Variants in C9 observed in about 807,000 individuals in gnomAD.
The protein encoded by C9 is complement component C9.
Under a neutral mutation model 65.4 loss-of-function variants are expected in C9, and 63 were observed. That is an observed-to-expected ratio of 0.96 (90% CI 0.79 to 1.19). C9 has a LOEUF of 1.19. Among genes scored for constraint, C9 ranks in the 50% most tolerant of loss-of-function variants. The pLI is 0.00. For synonymous variants in C9, 229 were observed against 227.9 expected (o/e 1.00, Z -0.04); for missense variants, 744 against 670.1 (o/e 1.11, Z -1.22).
chr5:39,344,485 A>G (rs1171481942), intron 1 of C9, among the ~76,000 whole-genome samples: 1 of 152,262 alleles, frequency 6.6e-6, no homozygotes, highest in East Asian at 1.9e-4. Flanking sequence ...AAGGATAAAA[A>G]GAAATGAACA....
intron 1 of C9, among the ~76,000 whole-genome samples, chr5:39,344,799 A>G (rs922529194): frequency 1.3e-5 from 2 of 152,192 alleles, no homozygotes; most frequent in Admixed American, 6.5e-5. Context: ...ATAAAGGGAA[A>G]CCCATCAGAC....
At chr5:39,301,217 C>G (rs1753274595) in intron 9 of C9, among the ~76,000 whole-genome samples, 1 of 152,038 alleles carries the variant, frequency 6.6e-6, no homozygotes. Flanking sequence ...ATATGCATAA[C>G]CTTAACCTAC....
chr5:39,325,828 T>C (rs1301024112), intron 5 of C9, among the ~76,000 whole-genome samples: 1 of 151,050 alleles, frequency 6.6e-6, no homozygotes, highest in East Asian at 1.9e-4. Context: ...AACACCTAGA[T>C]CTCTTTTTAC....
At chr5:39,304,911 C>T (rs1009648922) in intron 9 of C9, among the ~76,000 whole-genome samples, 1 of 152,140 alleles carries the variant, frequency 6.6e-6, no homozygotes, top group African/African-American at 2.4e-5. Flanking sequence ...TCTTCAGCAG[C>T]TGCCTTATTT....
intron 9 of C9, among the ~76,000 whole-genome samples, chr5:39,297,254 A>C (rs1425109488): frequency 6.6e-6 from 1 of 151,668 alleles, no homozygotes; most frequent in East Asian, 1.9e-4. Flanking sequence ...TCAAAATATC[A>C]CTATGTACCC....
chr5:39,321,513 A>T (rs1753667136), intron 5 of C9, among the ~76,000 whole-genome samples: 1 of 143,522 alleles, frequency 7.0e-6, no homozygotes, highest in African/African-American at 3.0e-5. Context: ...AGAAATAGCC[A>T]GAAAGAACAT....
rs1319628126 is a variant in C9 at position 39,311,155 on chromosome 5, C to A, written c.1093G>T (p.Ala365Ser). Residue 365 changes from alanine (A) to serine (S), a missense_variant, in exon 7 of 11, where the codon GCT becomes TCT. Coordinates refer to ENST00000263408, the MANE Select transcript of C9 (RefSeq NM_001737.5). Reference protein sequence around the residue: ...LYELIYVLDKASMKRKGVELK... With the variant: ...LYELIYVLDKSSMKRKGVELK... ...GGCATACCTTTCCGCTTCATGGAAGCTTTATCCAAAACATATATTAGTTCA... is the reference window on the plus strand; with the variant it reads ...GGCATACCTTTCCGCTTCATGGAAGATTTATCCAAAACATATATTAGTTCA... 6.2e-7 allele frequency: 1 copy of A among 1,613,410 alleles called. No individual in the cohort carries two copies. Among genetic ancestry groups the A allele is most frequent in the Non-Finnish European group, 8.5e-7 (1 of 1,179,424 alleles).
chr5:39,307,436 C>T (rs1328125157), intron 8 of C9, among the ~76,000 whole-genome samples: 1 of 152,122 alleles, frequency 6.6e-6, no homozygotes, highest in African/African-American at 2.4e-5. Flanking sequence ...TCAGAGATCA[C>T]ACAGTTAGCT....
At position 39,309,098 on chromosome 5, in the gene C9, C is replaced by G. The variant is rs560139194; in HGVS notation, c.1112-740G>C. 2.6e-5 allele frequency among the ~76,000 whole-genome samples: 4 copies of G among 151,544 alleles called. No individual in the cohort carries two copies. The East Asian group carries it at 7.8e-4, about 30-fold the overall frequency. On this transcript the variant is annotated intron_variant, in intron 7 of 10. Coordinates refer to ENST00000263408, the MANE Select transcript of C9 (RefSeq NM_001737.5). Reference sequence around the variant, plus strand: ...TCATTATGGTGTGTAGATGCCCAAACAGTTACTAGAAAGAAAAATCCTAAT... The same window carrying G: ...TCATTATGGTGTGTAGATGCCCAAAGAGTTACTAGAAAGAAAAATCCTAAT...
rs775231131 is a variant in C9 at position 39,288,986 on chromosome 5, T to A, written c.1417-35A>T. On this transcript the variant is annotated intron_variant, in intron 9 of 10. Transcript: ENST00000263408. Reference sequence around the variant, plus strand: ...AGCAAAACATTTAATTTTAGGTCCTTTTTAACTGAGAGAACTTGTAGAATA... The same window carrying A: ...AGCAAAACATTTAATTTTAGGTCCTATTTAACTGAGAGAACTTGTAGAATA... The A allele has an allele frequency of 1.4e-5, 16 of 1,154,068 alleles. No individual in the cohort carries two copies. The Middle Eastern group carries it at 7.8e-4, about 56-fold the overall frequency. 71.5% of individuals were successfully genotyped at this position (1,154,068 alleles called of 1,614,324 possible). A position where few individuals can be genotyped will look rare whatever the true frequency, so the allele number is the denominator to read the frequency against.
chr5:39,364,465 G>A lies in C9; in HGVS notation c.-1C>T, dbSNP rs750683259. ...CTGCAAAGCTCCGGCAGGCTGACAT[G>A]CTGCTCTTGCTGGGTGGCTGCGAGT... On this transcript the variant is annotated 5_prime_UTR_variant, in exon 1 of 11. Coordinates refer to ENST00000263408, the MANE Select transcript of C9 (RefSeq NM_001737.5). 4 of 1,596,982 alleles carry A rather than the reference G, an allele frequency of 2.5e-6. No homozygotes were observed. The Admixed American group carries it at 6.7e-5, about 27-fold the overall frequency.
intron 5 of C9, among the ~76,000 whole-genome samples, chr5:39,317,471 T>C (rs754843611): frequency 2.0e-5 from 3 of 152,238 alleles, no homozygotes; most frequent in Non-Finnish European, 4.4e-5. Flanking sequence ...TTTCTATAGC[T>C]TTTGGTTTTA....
intron 1 of C9, among the ~76,000 whole-genome samples, chr5:39,350,277 C>A (rs762839999): frequency 6.6e-6 from 1 of 152,092 alleles, no homozygotes; most frequent in Non-Finnish European, 1.5e-5. Flanking sequence ...AATCACTTTC[C>A]GACAGGCTCC....
intron 1 of C9, among the ~76,000 whole-genome samples, chr5:39,348,316 A>G (rs1172138949): frequency 6.6e-6 from 1 of 152,206 alleles, no homozygotes; most frequent in Non-Finnish European, 1.5e-5. Flanking sequence ...ACTCAAATAA[A>G]TTTACAAGAA....
intron 5 of C9, among the ~76,000 whole-genome samples, chr5:39,328,162 CTG>C (rs1479833711): frequency 1.3e-5 from 2 of 152,126 alleles, no homozygotes; most frequent in Non-Finnish European, 2.9e-5. Context: ...TAACTTCCTA[CTG>C]AGAGAATAGG....
rs753583142 is a variant in C9 at position 39,331,696 on chromosome 5, C to T, written c.595G>A (p.Val199Met). The change falls in exon 5 of 11, where the codon GTG (valine) becomes ATG (methionine). Residue 199 changes from valine (V) to methionine (M), a missense_variant. Transcript: ENST00000263408. ...TLTYYRRPWN[V>M]ASLIYETKGE... is the part of the protein sequence containing the mutation. ...CTTACTTCATAGATCAAAGAAGCCA[C>T]GTTCCAAGGTCTTCGGTAGTATGTC... 1.2e-5 allele frequency: 19 copies of T among 1,613,970 alleles called. No homozygotes were observed. In the Admixed American group the frequency reaches 2.5e-4, roughly 21 times the overall value.
In C9 at chr5:39,310,112, A is replaced by G. The variant is rs188547989; in HGVS notation, c.1111+1025T>C. The stretch of plus-strand genomic sequence containing the variant: ...AAAGCTTCTCTCTGCCCAAAACAAG[A>G]CTGAGGCATCAAGACCAGCTGGTTC... On this transcript the variant is annotated intron_variant, in intron 7 of 10. Coordinates refer to ENST00000263408, the MANE Select transcript of C9 (RefSeq NM_001737.5). 3.9e-5 allele frequency among the ~76,000 whole-genome samples: 6 copies of G among 152,262 alleles called. No homozygotes were observed. The East Asian group carries it at 1.2e-3, about 29-fold the overall frequency.
intron 6 of C9, among the ~76,000 whole-genome samples, chr5:39,315,074 T>G (rs1263993089): frequency 6.6e-6 from 1 of 152,134 alleles, no homozygotes; most frequent in African/African-American, 2.4e-5. Context: ...AGAGAGGTAA[T>G]GTACAGACCC....
chr5:39,324,737 C>T (rs1200024672), intron 5 of C9, among the ~76,000 whole-genome samples: 1 of 152,114 alleles, frequency 6.6e-6, no homozygotes, highest in Non-Finnish European at 1.5e-5. Context: ...TAGACCAATA[C>T]TTGTAACCAT....
Sources: allele counts gnomAD v4.1 joint callset (sites outside exome capture counted in the v4.1 genomes callset), GRCh38; gene constraint gnomAD v4.1.1; transcripts MANE v1.5; gene names NCBI Gene and HGNC (gene_info 2026-07-23, HGNC 2026-07-21).